Variants in GRHL2 observed in about 807,000 individuals in gnomAD.
GRHL2 encodes grainyhead like transcription factor 2, also known as grainyhead-like protein 2 homolog.
A neutral mutation model predicts 83.8 loss-of-function variants in GRHL2; 21 were observed. The observed-to-expected ratio is 0.25, with a 90% CI of 0.18 to 0.36. The LOEUF (loss-of-function observed/expected upper bound fraction) is 0.36, where lower values mean the gene tolerates loss of function less well. Among genes scored for constraint, GRHL2 ranks in the 10% least tolerant of loss-of-function variants. The pLI is 1.00. For missense variants in GRHL2, 623 were observed against 781.8 expected (o/e 0.80, Z 2.42); for synonymous variants, 280 against 278.9 (o/e 1.00, Z -0.04).
chr8:101,500,674 A>C (rs375043196), intron 1 of GRHL2, among the ~76,000 whole-genome samples: 4 of 152,020 alleles, frequency 2.6e-5, no homozygotes, highest in African/African-American at 9.7e-5. Flanking sequence ...ATGCCCGGCT[A>C]ATTTTTTGGT....
the GRHL2 span, among the ~76,000 whole-genome samples, chr8:101,677,212 C>CAATAATAATAAT: frequency 1.3e-5 from 2 of 150,732 alleles, no homozygotes; most frequent in African/African-American, 2.4e-5. Flanking sequence ...TAAATAATAA[C>CAATAATAATAAT]AATAATAATA....
chr8:101,509,028 C>T (rs1810395156), intron 1 of GRHL2, among the ~76,000 whole-genome samples: 1 of 151,878 alleles, frequency 6.6e-6, no homozygotes, highest in Admixed American at 6.6e-5. Context: ...AAAGGTCTGC[C>T]ACTATTTTTC....
At chr8:101,515,072 A>ACCTCCCTC (rs1001394737) in intron 1 of GRHL2, among the ~76,000 whole-genome samples, 2 of 103,676 alleles carry the variant, frequency 1.9e-5, no homozygotes, top group Non-Finnish European at 3.8e-5. Flanking sequence ...CCTTGTTCCT[A>ACCTCCCTC]CCTCCCTCCC....
intron 14 of GRHL2, among the ~76,000 whole-genome samples, chr8:101,660,231 G>A (rs1007779119): frequency 6.6e-6 from 1 of 151,778 alleles, no homozygotes; most frequent in Non-Finnish European, 1.5e-5. Context: ...TATGATTGCT[G>A]TAGCTTCTCC....
At chr8:101,631,161 C>T (rs914465907) in intron 9 of GRHL2, among the ~76,000 whole-genome samples, 1 of 152,086 alleles carries the variant, frequency 6.6e-6, no homozygotes, top group African/African-American at 2.4e-5. Context: ...CTTTCATTTC[C>T]ACCACTGTAA....
At chr8:101,588,614 G>A (rs1812215381) in intron 7 of GRHL2, among the ~76,000 whole-genome samples, 1 of 152,142 alleles carries the variant, frequency 6.6e-6, no homozygotes, top group African/African-American at 2.4e-5. Flanking sequence ...TTATCTTACT[G>A]TATTTTGAGT....
intron 14 of GRHL2, among the ~76,000 whole-genome samples, chr8:101,658,938 G>A (rs1227081418): frequency 1.3e-5 from 2 of 152,096 alleles, no homozygotes; most frequent in African/African-American, 2.4e-5. Context: ...GTTTATCGGG[G>A]TGCTTACCTT....
chr8:101,603,633 G>A (rs561833529), intron 8 of GRHL2, among the ~76,000 whole-genome samples: 56 of 152,322 alleles, frequency 3.7e-4, no homozygotes, highest in African/African-American at 1.3e-3. Flanking sequence ...ATTGCAGGCG[G>A]ATTCTGGCAG....
At chr8:101,674,131 C>T (rs1482746644), downstream of GRHL2, among the ~76,000 whole-genome samples, 13 of 152,142 alleles carry the variant, frequency 8.5e-5, no homozygotes, top group East Asian at 1.9e-4. Context: ...GACACCCTAA[C>T]GTCACAATTA....
chr8:101,629,304 ATT>A (rs5893577), intron 9 of GRHL2, among the ~76,000 whole-genome samples: 30 of 147,822 alleles, frequency 2.0e-4, no homozygotes, highest in South Asian at 4.3e-4. Flanking sequence ...CTCAGTGTGT[ATT>A]TTTTTTTTTT....
downstream of GRHL2, among the ~76,000 whole-genome samples, chr8:101,671,059 A>T (rs1364752959): frequency 6.6e-6 from 1 of 152,230 alleles, no homozygotes; most frequent in Admixed American, 6.5e-5. Flanking sequence ...ATGGCTACAT[A>T]GGAACAGCTC....
At chr8:101,502,447 G>A (rs1186731439) in intron 1 of GRHL2, among the ~76,000 whole-genome samples, 1 of 152,212 alleles carries the variant, frequency 6.6e-6, no homozygotes, top group Non-Finnish European at 1.5e-5. Flanking sequence ...AAGGCAGGAG[G>A]AATTCAGAGG....
chr8:101,670,344 C>T (rs530159291), downstream of GRHL2, among the ~76,000 whole-genome samples: 1 of 152,330 alleles, frequency 6.6e-6, no homozygotes, highest in African/African-American at 2.4e-5. Context: ...TTTCTACATT[C>T]TTCTACATCT....
At position 101,604,508 on chromosome 8, in the gene GRHL2, T is replaced by C. The variant is rs145573221; in HGVS notation, c.1098+5357T>C. Reference sequence around the variant, plus strand: ...CCAATCTTGGTGTGCTACAACGACCTCTGTCATGTGACCACAGAGAAGAAT... The same window carrying C: ...CCAATCTTGGTGTGCTACAACGACCCCTGTCATGTGACCACAGAGAAGAAT... On this transcript the variant is annotated intron_variant, in intron 8 of 15. Transcript: ENST00000646743. Among the ~76,000 whole-genome samples the C allele has an allele frequency of 2.0e-5, 3 of 152,350 alleles. No individual in the cohort carries two copies. The East Asian group carries it at 5.8e-4, about 29-fold the overall frequency.
the GRHL2 span, among the ~76,000 whole-genome samples, chr8:101,678,130 G>A: frequency 7.9e-5 from 12 of 152,164 alleles, no homozygotes; most frequent in African/African-American, 1.2e-4. Context: ...CAGCGTGAGC[G>A]ACGCAGAAGA....
Position 101,632,296 on chromosome 8 carries a change from T to C in GRHL2, c.1416T>C (p.Pro472=), listed in dbSNP as rs371708806. 190 of 1,613,900 alleles carry C rather than the reference T, an allele frequency of 1.2e-4. No individual in the cohort carries two copies. The highest frequency in any genetic ancestry group is 1.5e-4 in the Non-Finnish European group (178 of 1,179,904). The change falls in exon 11 of 16, where the codon CCT becomes CCC. Residue 472 remains proline, a synonymous_variant. Coordinates refer to ENST00000646743, the MANE Select transcript of GRHL2 (RefSeq NM_024915.4). The stretch of plus-strand genomic sequence containing the variant: ...ACATCACCTACTTCAAAACCATGCC[T>C]GATCTCCACTCACAGCCAGTTCTCT... ...KSDITYFKTM[P]DLHSQPVLFI...
intron 7 of GRHL2, among the ~76,000 whole-genome samples, chr8:101,580,736 C>T (rs538613130): frequency 6.6e-6 from 1 of 152,224 alleles, no homozygotes; most frequent in South Asian, 2.1e-4. Context: ...CGGCATCTTG[C>T]TCTGTCACCC....
At chr8:101,651,331 T>C (rs1046625188) in intron 14 of GRHL2, among the ~76,000 whole-genome samples, 1 of 152,204 alleles carries the variant, frequency 6.6e-6, no homozygotes, top group South Asian at 2.1e-4. Context: ...ACTTCAACTC[T>C]AGAGATTCTG....
At chr8:101,605,770 C>A (rs1289624884) in intron 8 of GRHL2, among the ~76,000 whole-genome samples, 1 of 152,210 alleles carries the variant, frequency 6.6e-6, no homozygotes, top group Admixed American at 6.5e-5. Context: ...ATTAGCCTAA[C>A]ACTAGTGAGC....
Sources: gnomAD v4.1 joint callset for allele counts (sites outside exome capture counted in the v4.1 genomes callset) on GRCh38, gnomAD v4.1.1 for gene constraint, MANE v1.5 for transcripts, NCBI Gene and HGNC (gene_info 2026-07-23, HGNC 2026-07-21) for gene names.